The following RARB variants were observed in gnomAD, a reference collection of about 807,000 sequenced individuals.
RARB encodes retinoic acid receptor beta.
Under a neutral mutation model 51.9 loss-of-function variants are expected in RARB, and 17 were observed. The observed-to-expected ratio is 0.33, with a 90% confidence interval of 0.22 to 0.49. The LOEUF is 0.49. RARB is among the 20% of genes least tolerant of loss of function. The pLI is 0.99. For synonymous variants in RARB, 215 were observed against 195.4 expected (o/e 1.10, Z -0.84); for missense variants, 369 against 550.8 (o/e 0.67, Z 3.30).
intron 5 of RARB, among the ~76,000 whole-genome samples, chr3:25,386,526 G>C (rs11917383): frequency 3.1e-4 from 47 of 152,158 alleles, no homozygotes; most frequent in Non-Finnish European, 6.0e-4. Context: ...AAAACTACTC[G>C]AGAGGTTGTT....
intron 5 of RARB, among the ~76,000 whole-genome samples, chr3:25,186,941 T>TGTGTGTG (rs1700993147): frequency 3.5e-5 from 2 of 56,404 alleles, no homozygotes; most frequent in Admixed American, 4.1e-4. Context: ...GTGTGTGTGT[T>TGTGTGTG]TTCCTGCTAA....
chr3:24,947,191 C>T (rs577396550), intron 2 of RARB, among the ~76,000 whole-genome samples: 1 of 152,282 alleles, frequency 6.6e-6, no homozygotes, highest in East Asian at 1.9e-4. Context: ...TCTCCCACAG[C>T]TTTCTGTACT....
chr3:25,301,863 G>A (rs970709687), intron 5 of RARB, among the ~76,000 whole-genome samples: 1 of 152,174 alleles, frequency 6.6e-6, no homozygotes, highest in East Asian at 1.9e-4. Flanking sequence ...TGGGGTCATA[G>A]TGCTAGAGAC....
intron 3 of RARB, among the ~76,000 whole-genome samples, chr3:25,554,829 C>T (rs1259771551): frequency 1.3e-5 from 2 of 152,100 alleles, no homozygotes; most frequent in African/African-American, 4.8e-5. Flanking sequence ...TCTGTGGTGT[C>T]CCAAGATGGC....
intron 5 of RARB, among the ~76,000 whole-genome samples, chr3:25,221,748 G>A (rs187374859): frequency 5.9e-5 from 9 of 151,994 alleles, no homozygotes; most frequent in African/African-American, 1.4e-4. Context: ...TCTCAAACCC[G>A]CATCTTTCAG....
At chr3:25,161,285 T>C (rs1471318798) in intron 4 of RARB, among the ~76,000 whole-genome samples, 1 of 151,492 alleles carries the variant, frequency 6.6e-6, no homozygotes, top group Non-Finnish European at 1.5e-5. Flanking sequence ...TGACCTCAAG[T>C]GATCTCCTGC....
chr3:25,039,641 G>A (rs1236910817), intron 2 of RARB, among the ~76,000 whole-genome samples: 1 of 152,144 alleles, frequency 6.6e-6, no homozygotes, highest in African/African-American at 2.4e-5. Flanking sequence ...ACCATTTGGG[G>A]ATGAAAGTTG....
intron 2 of RARB, among the ~76,000 whole-genome samples, chr3:24,889,675 A>AGTGTGAGT (rs1553611136): frequency 1.4e-5 from 2 of 142,868 alleles, no homozygotes; most frequent in Admixed American, 7.0e-5. Context: ...CACCTCTTAA[A>AGTGTGAGT]GTGTGTGTGT....
chr3:25,127,306 C>T (rs547667897), intron 3 of RARB, among the ~76,000 whole-genome samples: 28 of 152,128 alleles, frequency 1.8e-4, no homozygotes, highest in African/African-American at 1.9e-4. Flanking sequence ...GGCCTTGCCA[C>T]GGCCCACCAG....
intron 3 of RARB, among the ~76,000 whole-genome samples, chr3:25,559,140 C>T (rs1700171120): frequency 3.3e-5 from 5 of 152,158 alleles, no homozygotes; most frequent in South Asian, 4.1e-4. Flanking sequence ...CATGTAGCCA[C>T]GTTTTTCCAA....
intron 2 of RARB, among the ~76,000 whole-genome samples, chr3:25,001,763 C>G (rs1255469921): frequency 6.6e-6 from 1 of 152,140 alleles, no homozygotes; most frequent in African/African-American, 2.4e-5. Context: ...TTACTTATCT[C>G]AAGTTTCATT....
At chr3:25,536,783 A>G (rs1699159713) in intron 3 of RARB, among the ~76,000 whole-genome samples, 1 of 152,204 alleles carries the variant, frequency 6.6e-6, no homozygotes, top group Non-Finnish European at 1.5e-5. Context: ...GAAATGGTGA[A>G]AAGTTTGTGG....
intron 5 of RARB, among the ~76,000 whole-genome samples, chr3:25,392,292 C>T (rs1706987023): frequency 6.6e-6 from 1 of 152,014 alleles, no homozygotes; most frequent in Non-Finnish European, 1.5e-5. Context: ...ATGACCATAG[C>T]CTTATAGTAT....
At chr3:24,855,709 G>A (rs994633315) in intron 1 of RARB, among the ~76,000 whole-genome samples, 7 of 150,838 alleles carry the variant, frequency 4.6e-5, no homozygotes, top group East Asian at 1.9e-4. Context: ...GCAGATTTTC[G>A]GTCTCAGCCT....
At chr3:25,403,275 G>T (rs920004456) in intron 5 of RARB, among the ~76,000 whole-genome samples, 1 of 151,942 alleles carries the variant, frequency 6.6e-6, no homozygotes, top group Non-Finnish European at 1.5e-5. Flanking sequence ...TGGATTGTTT[G>T]TAACACTAAT....
intron 2 of RARB, among the ~76,000 whole-genome samples, chr3:25,059,431 T>G (rs1045719281): frequency 6.6e-6 from 1 of 151,794 alleles, no homozygotes; most frequent in African/African-American, 2.4e-5. Context: ...ATATGTCCAC[T>G]CTCACCATAC....
chr3:24,976,228 A>C (rs764756874), intron 2 of RARB, among the ~76,000 whole-genome samples: 1 of 152,216 alleles, frequency 6.6e-6, no homozygotes, highest in African/African-American at 2.4e-5. Context: ...TGCCATGAAC[A>C]TGCATGTGCA....
chr3:25,176,507 C>T (rs561493280), intron 5 of RARB, among the ~76,000 whole-genome samples: 2 of 150,912 alleles, frequency 1.3e-5, no homozygotes, highest in Non-Finnish European at 2.9e-5. Context: ...GTGTTTCTCC[C>T]ACCTCAACCC....
At chr3:25,161,804 C>G (rs1036472845) in intron 4 of RARB, among the ~76,000 whole-genome samples, 1 of 152,152 alleles carries the variant, frequency 6.6e-6, no homozygotes, top group Non-Finnish European at 1.5e-5. Context: ...TCTAGATATT[C>G]CCTGAAGATG....
Sources: gnomAD v4.1 joint callset for allele counts (sites outside exome capture counted in the v4.1 genomes callset) on GRCh38, gnomAD v4.1.1 for gene constraint, MANE v1.5 for transcripts, NCBI Gene and HGNC (gene_info 2026-07-23, HGNC 2026-07-21) for gene names.